The following C4BPA variants were observed in gnomAD, a reference collection of about 807,000 sequenced individuals.
The protein encoded by C4BPA is complement component 4 binding protein alpha.
In C4BPA, 31 loss-of-function variants were observed where a neutral mutation model predicts 63.7. The observed-to-expected ratio is 0.49, with a 90% CI of 0.37 to 0.66. The LOEUF is 0.66. Among genes scored for constraint, C4BPA ranks in the 30% least tolerant of loss-of-function variants. The pLI, the probability that C4BPA is intolerant of heterozygous loss-of-function variation, is 0.00. For missense variants in C4BPA, 572 were observed against 723.3 expected (o/e 0.79, Z 2.40); for synonymous variants, 259 against 254.7 (o/e 1.02, Z -0.16).
intron 1 of C4BPA, among the ~76,000 whole-genome samples, chr1:207,108,121 C>A (rs979046053): frequency 6.6e-6 from 1 of 152,040 alleles, no homozygotes; most frequent in African/African-American, 2.4e-5. Flanking sequence ...GGAATTTTAA[C>A]TTAAATTATT....
chr1:207,123,934 T>G lies in C4BPA; in HGVS notation c.441T>G (p.Ile147Met). Residue 147 changes from isoleucine (I) to methionine (M), a missense_variant, in exon 5 of 12, where the codon ATT (isoleucine) becomes ATG (methionine). Coordinates refer to ENST00000367070, the MANE Select transcript of C4BPA (RefSeq NM_000715.4). ...EFSCSEGFFLIGSTTSRCEVQ... is the reference protein window; with the variant it reads ...EFSCSEGFFLMGSTTSRCEVQ... Reference sequence around the variant, plus strand: ...CTATCTTATTCAGATTTTTCTTAATTGGCTCAACCACTAGTCGTTGTGAAG... The same window carrying G: ...CTATCTTATTCAGATTTTTCTTAATGGGCTCAACCACTAGTCGTTGTGAAG... 6.2e-7 allele frequency: 1 copy of G among 1,607,196 alleles called. No individual in the cohort carries two copies. Among genetic ancestry groups the G allele is most frequent in the Non-Finnish European group, 8.5e-7 (1 of 1,174,844 alleles).
intron 4 of C4BPA, among the ~76,000 whole-genome samples, chr1:207,117,656 C>A (rs1014756393): frequency 4.6e-5 from 7 of 152,128 alleles, no homozygotes; most frequent in African/African-American, 1.7e-4. Context: ...ACATAGGAAA[C>A]TTCACAGGAA....
At position 207,112,987 on chromosome 1, in the gene C4BPA, A is replaced by G. The variant is rs764317511; in HGVS notation, c.-25-14A>G. 10 of 1,548,688 alleles carry G rather than the reference A, an allele frequency of 6.5e-6. No individual in the cohort carries two copies. Among genetic ancestry groups the G allele is most frequent in the Non-Finnish European group, 8.7e-6 (10 of 1,155,886 alleles). Reference sequence around the variant, plus strand: ...AATTCAATGACTATTTATTAAATTGAGTTCTTTCAGCAGAAAAACATCAGC... The same window carrying G: ...AATTCAATGACTATTTATTAAATTGGGTTCTTTCAGCAGAAAAACATCAGC... On this transcript the variant is annotated splice_polypyrimidine_tract_variant and intron_variant, in intron 1 of 11. Transcript: ENST00000367070.
chr1:207,137,752 G>A (rs1685318354), intron 9 of C4BPA, among the ~76,000 whole-genome samples: 1 of 152,144 alleles, frequency 6.6e-6, no homozygotes, highest in African/African-American at 2.4e-5. Context: ...CGAGTAGCTG[G>A]GATTACAGGC....
Position 207,123,970 on chromosome 1 carries a change from A to T in C4BPA, c.477A>T (p.Arg159Ser), listed in dbSNP as rs745383796. Residue 159 changes from arginine to serine, a missense_variant, in exon 5 of 12, where the codon AGA (arginine) becomes AGT (serine). Arg to Ser is a moderately radical substitution (Grantham distance 110). Coordinates refer to ENST00000367070, the MANE Select transcript of C4BPA (RefSeq NM_000715.4). ...CTAGTCGTTGTGAAGTCCAAGATAG[A>T]GGAGTTGGCTGGAGTCATCCTCTCC... ...STTSRCEVQD[R>S]GVGWSHPLPQ... 1 of 1,612,128 alleles carries T rather than the reference A, an allele frequency of 6.2e-7. No homozygotes were observed. The highest frequency in any genetic ancestry group is 2.2e-5 in the East Asian group (1 of 44,764).
chr1:207,125,814 C>T (rs2102342110), intron 6 of C4BPA, among the ~76,000 whole-genome samples: 1 of 152,294 alleles, frequency 6.6e-6, no homozygotes, highest in Admixed American at 6.5e-5. Flanking sequence ...TGCAACCCTC[C>T]AGCCAAAAAC....
chr1:207,112,399 C>G (rs1684688204), intron 1 of C4BPA, among the ~76,000 whole-genome samples: 2 of 135,344 alleles, frequency 1.5e-5, no homozygotes, highest in African/African-American at 2.7e-5. Flanking sequence ...AGTCCTCTGT[C>G]ATTTCTTTGT....
At chr1:207,108,405 T>C (rs1684600890) in intron 1 of C4BPA, among the ~76,000 whole-genome samples, 1 of 152,202 alleles carries the variant, frequency 6.6e-6, no homozygotes, top group South Asian at 2.1e-4. Flanking sequence ...CAGGAACGAC[T>C]CCTTTGTTAG....
intron 7 of C4BPA, 165 bp downstream of exon 7, chr1:207,127,060 T>A: frequency 3.5e-6 from 2 of 564,370 alleles, no homozygotes; most frequent in Non-Finnish European, 6.2e-6. Context: ...GAAGAATGAT[T>A]TTAGTGCACT....
intron 4 of C4BPA, among the ~76,000 whole-genome samples, chr1:207,120,569 A>G (rs1429176006): frequency 6.6e-6 from 1 of 152,210 alleles, no homozygotes; most frequent in African/African-American, 2.4e-5. Flanking sequence ...GTTCAAGACC[A>G]GCCTGAGCAA....
At chr1:207,144,121 C>T (rs1685481014) in intron 11 of C4BPA, 128 bp downstream of exon 11, 2 of 644,120 alleles carry the variant, frequency 3.1e-6, no homozygotes, top group Non-Finnish European at 5.0e-6. Flanking sequence ...GCCACTCCCA[C>T]TCAAAGAAAC....
chr1:207,141,285 A>G lies in C4BPA; in HGVS notation c.1444+9A>G. The G allele has an allele frequency of 6.2e-7, 1 of 1,609,060 alleles. No individual in the cohort carries two copies. ...AGCCCCTCAATGTAAAGGTAACTCC[A>G]GCTTCCTTTTCAGCTCAAGATTAAG... On this transcript the variant is annotated intron_variant, in intron 10 of 11. Coordinates refer to ENST00000367070, the MANE Select transcript of C4BPA (RefSeq NM_000715.4).
At chr1:207,105,355 C>T (rs1572769992) in intron 1 of C4BPA, among the ~76,000 whole-genome samples, 1 of 151,844 alleles carries the variant, frequency 6.6e-6, no homozygotes, top group Admixed American at 6.6e-5. Flanking sequence ...GTCGGGAGTT[C>T]GAGACCAGCC....
chr1:207,140,152 CT>C (rs1329639437), intron 9 of C4BPA, among the ~76,000 whole-genome samples: 1 of 152,160 alleles, frequency 6.6e-6, no homozygotes, highest in Non-Finnish European at 1.5e-5. Flanking sequence ...ATCAGTGAAC[CT>C]TTTTCATTAA....
At position 207,113,644 on chromosome 1, in the gene C4BPA, T is replaced by C. The variant is rs74150606; in HGVS notation, c.143-456T>C. On this transcript the variant is annotated intron_variant, in intron 2 of 11. Transcript: ENST00000367070. Reference sequence around the variant, plus strand: ...AATTAAAAATGTTATTTTTACCCATTTCCCAGCCACCCTGTTTCCCTTCCC... The same window carrying C: ...AATTAAAAATGTTATTTTTACCCATCTCCCAGCCACCCTGTTTCCCTTCCC... Among the ~76,000 whole-genome samples the C allele has an allele frequency of 3.7e-3, 570 of 152,332 alleles. 6 individuals carry two copies. Among genetic ancestry groups the C allele is most frequent in the African/African-American group, 0.013 (550 of 41,566 alleles).
chr1:207,131,530 C>A lies in C4BPA; in HGVS notation c.890-16C>A. ...ATAGCGTCCTTTTGTTCTTCTTCTT[C>A]TTCTTTCATGAGTAGATAGTTGTAT... On this transcript the variant is annotated splice_polypyrimidine_tract_variant and intron_variant, in intron 7 of 11. Coordinates refer to ENST00000367070, the MANE Select transcript of C4BPA (RefSeq NM_000715.4). The A allele has an allele frequency of 6.3e-7, 1 of 1,575,886 alleles. No individual in the cohort carries two copies. The highest frequency in any genetic ancestry group is 8.7e-7 in the Non-Finnish European group (1 of 1,149,018).
In C4BPA at chr1:207,144,639, T is replaced by C. The variant is rs748720182; in HGVS notation, c.1716T>C (p.Tyr572=). Residue 572 remains tyrosine, a synonymous_variant, in exon 12 of 12, where the codon TAT becomes TAC. Transcript: ENST00000367070. ...ATGTGAAAATGGCCCTGGAGGTATA[T>C]AAGCTGTCTCTGGAAATTGAACAAC... ...PEDVKMALEV[Y]KLSLEIEQLE... The C allele has an allele frequency of 1.2e-6, 2 of 1,613,684 alleles. No homozygotes were observed. Among genetic ancestry groups the C allele is most frequent in the Non-Finnish European group, 1.7e-6 (2 of 1,179,784 alleles).
chr1:207,141,005 G>T (rs186265552), intron 9 of C4BPA, 101 bp from the exon 10 acceptor site: 3 of 865,494 alleles, frequency 3.5e-6, no homozygotes, highest in Admixed American at 5.4e-5. Context: ...GAGGATAGAA[G>T]GACAGAATGA....
intron 11 of C4BPA, among the ~76,000 whole-genome samples, 167 bp from the exon 12 acceptor site, chr1:207,144,377 G>A (rs536555229): frequency 3.9e-5 from 6 of 152,238 alleles, no homozygotes; most frequent in Admixed American, 2.0e-4. Context: ...ATGTTCCCCT[G>A]GGGAAGACTG....
Sources: gnomAD v4.1 joint callset for allele counts (sites outside exome capture counted in the v4.1 genomes callset) on GRCh38, gnomAD v4.1.1 for gene constraint, MANE v1.5 for transcripts, NCBI Gene and HGNC (gene_info 2026-07-23, HGNC 2026-07-21) for gene names.